Variants in APBA2 observed in about 807,000 individuals in gnomAD.
APBA2 encodes amyloid beta precursor protein binding family A member 2.
In APBA2, 30 loss-of-function variants were observed where a neutral mutation model predicts 75.0. The observed-to-expected ratio is 0.40, with a 90% CI of 0.30 to 0.54. The LOEUF is 0.54. Ranked by LOEUF, APBA2 falls within the 20% of genes least tolerant of loss-of-function variation. The pLI, the probability that APBA2 is intolerant of heterozygous loss-of-function variation, is 0.49. For synonymous variants in APBA2, 444 were observed against 409.6 expected, an observed-to-expected ratio of 1.08 and a Z score of -1.01; for missense variants, 801 against 1,016.1, an observed-to-expected ratio of 0.79 and a Z score of 2.88.
At chr15:28,982,169 C>A (rs1292242082) in intron 2 of APBA2, among the ~76,000 whole-genome samples, 3 of 152,124 alleles carry the variant, frequency 2.0e-5, no homozygotes, top group Non-Finnish European at 2.9e-5. Flanking sequence ...TGAAATTAGT[C>A]AAAAAATAAG....
chr15:28,992,501 T>G (rs2038288552), intron 2 of APBA2, among the ~76,000 whole-genome samples: 1 of 152,148 alleles, frequency 6.6e-6, no homozygotes, highest in African/African-American at 2.4e-5. Flanking sequence ...TGTGAGAAAA[T>G]TAATTAGTCC....
In APBA2 at chr15:28,987,725, GAGAGATAT is replaced by G. The variant is rs1231727436; in HGVS notation, c.-94-8026_-94-8019del. ...AAGGGAGTGTCAAAGAATATGTGGA[GAGAGATAT>G]ATATATATATATATATATATTCTTT... On this transcript the variant is annotated intron_variant, in intron 2 of 14. Transcript: ENST00000683413. 1.9e-4 allele frequency among the ~76,000 whole-genome samples: 23 copies of G among 118,562 alleles called. 2 individuals are homozygous for G. Among genetic ancestry groups the G allele is most frequent in the East Asian group, 1.7e-3 (5 of 2,946 alleles). 77.8% of individuals were successfully genotyped at this position (118,562 alleles called of 152,430 possible). A position where few individuals can be genotyped will look rare whatever the true frequency, so the allele number is the denominator to read the frequency against.
At chr15:29,088,739 A>T (rs1243148882) in intron 6 of APBA2, among the ~76,000 whole-genome samples, 2 of 152,060 alleles carry the variant, frequency 1.3e-5, no homozygotes, top group African/African-American at 4.8e-5. Context: ...CACTTCCCTG[A>T]TGGATACCCT....
rs546013044 is a variant in APBA2 at position 28,948,816 on chromosome 15, A to C, written c.-95+27067A>C. 2.0e-5 allele frequency among the ~76,000 whole-genome samples: 3 copies of C among 152,214 alleles called. No individual in the cohort carries two copies. The East Asian group carries it at 5.8e-4, about 29-fold the overall frequency. On this transcript the variant is annotated intron_variant, in intron 2 of 14. Transcript: ENST00000683413. Reference sequence around the variant, plus strand: ...GGAAGCAGTTGTTTGGGAATGAGCCACATGGTGGAATATCTTGAATGTCCC... The same window carrying C: ...GGAAGCAGTTGTTTGGGAATGAGCCCCATGGTGGAATATCTTGAATGTCCC...
intron 3 of APBA2, among the ~76,000 whole-genome samples, chr15:29,004,630 C>A (rs189188221): frequency 5.8e-4 from 89 of 152,228 alleles, no homozygotes; most frequent in Non-Finnish European, 1.1e-3. Context: ...GCATAACGCA[C>A]GGCTGCTCGA....
intron 4 of APBA2, among the ~76,000 whole-genome samples, chr15:29,058,213 C>A (rs754053412): frequency 6.6e-6 from 1 of 152,042 alleles, no homozygotes; most frequent in African/African-American, 2.4e-5. Flanking sequence ...CTGGTCGATA[C>A]GAAAAATGAG....
intron 3 of APBA2, among the ~76,000 whole-genome samples, chr15:29,017,742 A>G (rs1366327644): frequency 6.6e-6 from 1 of 152,122 alleles, no homozygotes; most frequent in Non-Finnish European, 1.5e-5. Context: ...TGAAATGTTT[A>G]TGCTTGCTCT....
intron 3 of APBA2, among the ~76,000 whole-genome samples, chr15:29,030,722 TGTGA>T (rs1156423631): frequency 7.5e-6 from 1 of 134,112 alleles, no homozygotes; most frequent in Non-Finnish European, 1.5e-5. Context: ...GTTAAACCCA[TGTGA>T]GTATGTGTGT....
chr15:28,980,246 G>A (rs2037551132), intron 2 of APBA2, among the ~76,000 whole-genome samples: 2 of 152,206 alleles, frequency 1.3e-5, no homozygotes, highest in Middle Eastern at 3.4e-3. Flanking sequence ...GAGCAATCAG[G>A]CAACAAAGAA....
At chr15:29,030,319 G>A (rs1484762941) in intron 3 of APBA2, among the ~76,000 whole-genome samples, 1 of 151,944 alleles carries the variant, frequency 6.6e-6, no homozygotes, top group African/African-American at 2.4e-5. Flanking sequence ...AAAATTAGCC[G>A]GGCGTGATGG....
intron 5 of APBA2, among the ~76,000 whole-genome samples, chr15:29,075,356 A>G (rs2042804626): frequency 6.6e-6 from 1 of 152,222 alleles, no homozygotes; most frequent in Non-Finnish European, 1.5e-5. Flanking sequence ...GGGTTTCTCA[A>G]CAATGACACC....
intron 2 of APBA2, among the ~76,000 whole-genome samples, chr15:28,972,304 G>C (rs2037108686): frequency 6.6e-6 from 1 of 152,128 alleles, no homozygotes; most frequent in South Asian, 2.1e-4. Context: ...AAAACTGCAA[G>C]TCAAGAAAAC....
chr15:29,061,526 A>C (rs1337606227), intron 4 of APBA2, among the ~76,000 whole-genome samples: 1 of 152,258 alleles, frequency 6.6e-6, no homozygotes, highest in Non-Finnish European at 1.5e-5. Context: ...GCCAATAGAA[A>C]AAAGAAGAAA....
intron 1 of APBA2, among the ~76,000 whole-genome samples, chr15:28,887,155 C>T (rs1224594796): frequency 6.6e-6 from 1 of 152,234 alleles, no homozygotes; most frequent in Non-Finnish European, 1.5e-5. Context: ...TCAGATACGA[C>T]CTGGCAGGCA....
At position 29,117,112 on chromosome 15, in the gene APBA2, G is replaced by A; in HGVS notation, c.2229G>A (p.Gln743=). The A allele has an allele frequency of 1.2e-6, 2 of 1,613,326 alleles. No homozygotes were observed. Among genetic ancestry groups the A allele is most frequent in the Non-Finnish European group, 1.7e-6 (2 of 1,179,988 alleles). The change falls in exon 15 of 15, where the codon CAG becomes CAA. Residue 743 remains glutamine (Q), a synonymous_variant. Coordinates refer to ENST00000683413, the MANE Select transcript of APBA2 (RefSeq NM_001353788.2). ...PAAMFRLLTG[Q]ETPLYI ...CCATGTTCAGGCTCCTCACGGGTCA[G>A]GAGACCCCGCTGTACATCTAGGCCA... is the stretch of plus-strand genomic sequence containing the variant.
chr15:29,081,435 A>G (rs2043079278), intron 6 of APBA2, among the ~76,000 whole-genome samples: 1 of 152,168 alleles, frequency 6.6e-6, no homozygotes, highest in Non-Finnish European at 1.5e-5. Context: ...TAAAATCTGA[A>G]CTTTTATTCA....
At chr15:29,066,251 C>T (rs959010351) in intron 4 of APBA2, among the ~76,000 whole-genome samples, 1 of 152,168 alleles carries the variant, frequency 6.6e-6, no homozygotes, top group Non-Finnish European at 1.5e-5. Flanking sequence ...AAAACCCACT[C>T]CACAGGCAAA....
At chr15:29,026,434 A>G (rs1043327546) in intron 3 of APBA2, among the ~76,000 whole-genome samples, 23 of 152,188 alleles carry the variant, frequency 1.5e-4, no homozygotes, top group African/African-American at 2.4e-5. Flanking sequence ...CACCATGTAT[A>G]TGAACGGCCA....
At chr15:29,101,829 C>T in intron 10 of APBA2, 45 bp downstream of exon 10, 1 of 1,589,554 alleles carries the variant, frequency 6.3e-7, no homozygotes, top group Non-Finnish European at 8.6e-7. Context: ...AAGTTCACAG[C>T]CCAGGGCGGC....
Sources: gnomAD v4.1 joint callset for allele counts (sites outside exome capture counted in the v4.1 genomes callset) on GRCh38, gnomAD v4.1.1 for gene constraint, MANE v1.5 for transcripts, NCBI Gene and HGNC (gene_info 2026-07-23, HGNC 2026-07-21) for gene names.